The following CALR3 variants were observed in gnomAD, a reference collection of about 807,000 sequenced individuals.
CALR3 encodes the protein calreticulin 3.
CALR3 carries 39 observed loss-of-function variants against 48.7 expected under a neutral mutation model. That is an observed-to-expected ratio of 0.80 (90% CI 0.62 to 1.05). The LOEUF (loss-of-function observed/expected upper bound fraction) is 1.05, where lower values mean the gene tolerates loss of function less well. Ranked by LOEUF, CALR3 falls within the 50% of genes least tolerant of loss-of-function variation. The probability of loss-of-function intolerance (pLI) is 0.00; values close to 1 mark genes in which losing one functional copy is unlikely to be tolerated. For missense variants in CALR3, 449 were observed against 474.7 expected (o/e 0.95, Z 0.50); for synonymous variants, 185 against 172.7 (o/e 1.07, Z -0.56).
chr19:16,493,455 G>C (rs891595183), intron 2 of CALR3, among the ~76,000 whole-genome samples: 12 of 151,824 alleles, frequency 7.9e-5, no homozygotes, highest in African/African-American at 2.7e-4. Flanking sequence ...CTACACTTCA[G>C]AACACTGACT....
intron 7 of CALR3, 132 bp downstream of exon 7, chr19:16,482,318 A>G: frequency 1.6e-6 from 2 of 1,289,156 alleles, no homozygotes; most frequent in South Asian, 2.5e-5. Context: ...GTTTGAGGCT[A>G]CAGTGAGCTA....
At chr19:16,488,325 C>A (rs1232862299) in intron 3 of CALR3, among the ~76,000 whole-genome samples, 2 of 152,150 alleles carry the variant, frequency 1.3e-5, no homozygotes, top group Non-Finnish European at 2.9e-5. Flanking sequence ...CTCAAGTAAT[C>A]CTCCTGCCTG....
At chr19:16,490,243 T>G in intron 3 of CALR3, 124 bp downstream of exon 3, 1 of 812,964 alleles carries the variant, frequency 1.2e-6, no homozygotes, top group South Asian at 1.5e-5. Context: ...CTACAAACCT[T>G]GGATCCGATA....
chr19:16,491,821 T>C lies in CALR3; in HGVS notation c.194-1251A>G, dbSNP rs113823946. ...GTGGCTGTGTTCCAGTGAAACTTAA[T>C]GGACACTAAACTTTCTTTCTTTCTT... On this transcript the variant is annotated intron_variant, in intron 2 of 8. Coordinates refer to ENST00000269881, the MANE Select transcript of CALR3 (RefSeq NM_145046.5). 8.6e-5 allele frequency among the ~76,000 whole-genome samples: 13 copies of C among 151,764 alleles called. No homozygotes were observed. The South Asian group carries it at 1.3e-3, about 15-fold the overall frequency.
rs956578066 is a variant in CALR3, at chr19:16,483,750, G to A, written c.678+180C>T. The A allele has an allele frequency of 6.5e-6, 4 of 616,182 alleles. No individual in the cohort carries two copies. In the African/African-American group the frequency reaches 7.4e-5, roughly 11 times the overall value. 38.2% of individuals were successfully genotyped at this position (616,182 alleles called of 1,614,324 possible). A position where few individuals can be genotyped will look rare whatever the true frequency, so the allele number is the denominator to read the frequency against. On this transcript the variant is annotated intron_variant, in intron 5 of 8. Transcript: ENST00000269881. ...TAAATAAATAAGTAAATAAATAAAT[G>A]TTTTACGATACCTTCAGATGTGTAG...
chr19:16,481,811 G>A (rs2093381138), intron 7 of CALR3, among the ~76,000 whole-genome samples: 1 of 149,316 alleles, frequency 6.7e-6, no homozygotes, highest in Non-Finnish European at 1.5e-5. Context: ...GATCACCAAA[G>A]CATTAAAACA....
At chr19:16,494,972 C>A (rs934300667) in intron 2 of CALR3, among the ~76,000 whole-genome samples, 1 of 152,116 alleles carries the variant, frequency 6.6e-6, no homozygotes, top group Non-Finnish European at 1.5e-5. Flanking sequence ...CCATGGCTCA[C>A]GCCTATAATC....
chr19:16,487,814 ATTT>A (rs1158111803), intron 3 of CALR3, among the ~76,000 whole-genome samples: 9 of 111,262 alleles, frequency 8.1e-5, no homozygotes, highest in Non-Finnish European at 5.7e-5. Context: ...CTAATTTTCA[ATTT>A]TTTTTTTTTT....
intron 2 of CALR3, among the ~76,000 whole-genome samples, chr19:16,495,385 C>T (rs532052334): frequency 4.0e-5 from 6 of 150,914 alleles, no homozygotes; most frequent in African/African-American, 1.5e-4. Flanking sequence ...CAACGTGGAC[C>T]CTGTCTCTAC....
At position 16,489,735 on chromosome 19, in the gene CALR3, G is replaced by A. The variant is rs147336840; in HGVS notation, c.397+632C>T. On this transcript the variant is annotated intron_variant, in intron 3 of 8. Coordinates refer to ENST00000269881, the MANE Select transcript of CALR3 (RefSeq NM_145046.5). ...GAGATAGGAGAATCACTTGAACCCA[G>A]GAGGCGGAGATTGCAGTGAGGCGAG... Among the ~76,000 whole-genome samples the A allele has an allele frequency of 0.01, 1,569 of 152,128 alleles. 76 individuals are homozygous for A. The South Asian group carries it at 0.11, about 11-fold the overall frequency.
At chr19:16,482,323 G>A (rs2093382150) in intron 7 of CALR3, 127 bp downstream of exon 7, 67 of 1,346,726 alleles carry the variant, frequency 5.0e-5, no homozygotes, top group Non-Finnish European at 6.7e-5. Context: ...AGGCTACAGT[G>A]AGCTAGGATG....
intron 2 of CALR3, 93 bp downstream of exon 2, chr19:16,495,658 G>T: frequency 3.2e-6 from 3 of 932,326 alleles, no homozygotes; most frequent in Non-Finnish European, 5.2e-6. Flanking sequence ...TGTAAAACGG[G>T]AATAAAAGCG....
intron 2 of CALR3, among the ~76,000 whole-genome samples, chr19:16,490,826 C>T (rs2093396749): frequency 6.6e-6 from 1 of 151,646 alleles, no homozygotes; most frequent in Admixed American, 6.6e-5. Context: ...GGCGTGATCT[C>T]GGCTCACTGC....
Position 16,479,075 on chromosome 19 carries a change from A to G in CALR3, c.*56T>C. On this transcript the variant is annotated 3_prime_UTR_variant, in exon 9 of 9. Transcript: ENST00000269881. ...CCATGTAGACATTTGAGTTTGAAAC[A>G]TAGATTAAAGTAGCAATGAGATTTT... 6.2e-7 allele frequency: 1 copy of G among 1,603,924 alleles called. No homozygotes were observed. Among genetic ancestry groups the G allele is most frequent in the Non-Finnish European group, 8.5e-7 (1 of 1,170,926 alleles).
chr19:16,483,979 G>T lies in CALR3; in HGVS notation c.629C>A (p.Ser210Tyr). 1 of 1,613,998 alleles carries T rather than the reference G, an allele frequency of 6.2e-7. No homozygotes were observed. Among genetic ancestry groups the T allele is most frequent in the Non-Finnish European group, 8.5e-7 (1 of 1,180,016 alleles). ...WNLTSLKKET[S>Y]PAESKDWEQT... ...TTCCCAATCCTTCGATTCTGCCGGG[G>T]ACGTTTCCTTCTTGAGTGATGTTAA... Residue 210 changes from serine to tyrosine, a missense_variant, in exon 5 of 9, where the codon TCC becomes TAC. Transcript: ENST00000269881.
In CALR3 at chr19:16,479,149, GTGAAAT is replaced by G; in HGVS notation, c.1131_1136del (p.Gln377_Phe378del). The G allele has an allele frequency of 6.2e-7, 1 of 1,614,126 alleles. No homozygotes were observed. Among genetic ancestry groups the G allele is most frequent in the South Asian group, 1.1e-5 (1 of 91,072 alleles). On this transcript the variant is annotated inframe_deletion, in exon 9 of 9. Transcript: ENST00000269881. The stretch of plus-strand genomic sequence containing the variant: ...GGGATCACTAAAGTTCATTCCTTCT[GTGAAAT>G]TGATTGAAGTAATGTTCGTGCCTGT...
rs144370982 is a variant in CALR3, at chr19:16,479,283, A to G, written c.1012-9T>C. On this transcript the variant is annotated splice_polypyrimidine_tract_variant and intron_variant, in intron 8 of 8. Transcript: ENST00000269881. ...ATCTCCCTTTCTGGACCCTGGAGAAAGAAAGAAAAAACATAAGCCCCACCG... is the reference window on the plus strand; with the variant it reads ...ATCTCCCTTTCTGGACCCTGGAGAAGGAAAGAAAAAACATAAGCCCCACCG... 5.8e-4 allele frequency: 933 copies of G among 1,613,944 alleles called. 3 individuals are homozygous for G. The African/African-American group carries it at 6.8e-3, about 12-fold the overall frequency.
rs1194031288 is a variant in CALR3 at position 16,495,741 on chromosome 19, C to T, written c.193+10G>A. 6.2e-7 allele frequency: 1 copy of T among 1,607,134 alleles called. No individual in the cohort carries two copies. Among genetic ancestry groups the T allele is most frequent in the South Asian group, 1.1e-5 (1 of 90,928 alleles). On this transcript the variant is annotated intron_variant, in intron 2 of 8. Transcript: ENST00000269881. ...CATTAGGCTCAATTTGGTCCTGATT[C>T]TACACTAACCTTTATCTTTCTCTTT...
intron 7 of CALR3, 58 bp downstream of exon 7, chr19:16,482,392 A>ATG (rs2093382285): frequency 6.1e-5 from 98 of 1,608,422 alleles, no homozygotes; most frequent in Non-Finnish European, 6.6e-5. Flanking sequence ...AAAACAAAAC[A>ATG]AAACAAAACA....
Sources: gnomAD v4.1 joint callset for allele counts (sites outside exome capture counted in the v4.1 genomes callset) on GRCh38, gnomAD v4.1.1 for gene constraint, MANE v1.5 for transcripts, NCBI Gene and HGNC (gene_info 2026-07-23, HGNC 2026-07-21) for gene names.